Variants in RUFY1 observed in about 807,000 individuals in gnomAD.
RUFY1 encodes the protein RUN and FYVE domain-containing protein 1.
Under a neutral mutation model 94.6 loss-of-function variants are expected in RUFY1, and 54 were observed. That is an observed-to-expected ratio of 0.57 (90% CI 0.46 to 0.72). RUFY1 has a LOEUF of 0.72. RUFY1 is among the 30% of genes least tolerant of loss of function. The pLI is 0.00. For synonymous variants in RUFY1, 396 were observed against 347.3 expected, an observed-to-expected ratio of 1.14 and a Z score of -1.56; for missense variants, 883 against 883.9, an observed-to-expected ratio of 1.00 and a Z score of 0.01.
intron 1 of RUFY1, among the ~76,000 whole-genome samples, chr5:179,558,308 C>T (rs150451599): frequency 0.033 from 5,061 of 152,250 alleles, 278 homozygotes; most frequent in African/African-American, 0.11. Flanking sequence ...CATGGTGGCT[C>T]ACGCCTGTAA....
At chr5:179,596,853 G>A (rs1278817214) in intron 13 of RUFY1, 172 bp downstream of exon 13, 2 of 854,648 alleles carry the variant, frequency 2.3e-6, no homozygotes, top group African/African-American at 1.7e-5. Context: ...TCCCTAGGGA[G>A]CTCCCTCCCC....
At chr5:179,580,402 C>T (rs1175574974) in intron 6 of RUFY1, among the ~76,000 whole-genome samples, 2 of 151,656 alleles carry the variant, frequency 1.3e-5, no homozygotes, top group African/African-American at 4.8e-5. Context: ...GCCACCACGC[C>T]CGGCTAATTT....
chr5:179,578,011 A>C (rs930898384), intron 6 of RUFY1, among the ~76,000 whole-genome samples: 1 of 152,162 alleles, frequency 6.6e-6, no homozygotes, highest in East Asian at 1.9e-4. Context: ...TAGAGTGTAC[A>C]GGTGAAATTT....
At chr5:179,568,922 G>A (rs1763024757) in intron 4 of RUFY1, 1 of 496,482 alleles carries the variant, frequency 2.0e-6, no homozygotes, top group Non-Finnish European at 2.6e-6. Flanking sequence ...ATTCTTGGAT[G>A]TGGGATCCCA....
intron 6 of RUFY1, among the ~76,000 whole-genome samples, chr5:179,577,581 G>C (rs1169462498): frequency 1.4e-5 from 2 of 145,194 alleles, no homozygotes; most frequent in African/African-American, 5.4e-5. Flanking sequence ...GGCGTGGTGG[G>C]GCTGGAGGGG....
At chr5:179,586,228 C>T in intron 8 of RUFY1, 1 of 434,852 alleles carries the variant, frequency 2.3e-6, no homozygotes, top group South Asian at 1.8e-5. Flanking sequence ...AAAGCACAGA[C>T]TCTGTCATAA....
chr5:179,577,159 CTTTTTTTTT>C lies in RUFY1; in HGVS notation c.890+45_890+53del, dbSNP rs748319712. The C allele has an allele frequency of 7.7e-4, 143 of 186,604 alleles. 1 individual carries two copies. The highest frequency in any genetic ancestry group is 1.8e-3 in the African/African-American group (23 of 12,966). The allele number at this position is 186,604 out of a possible 1,614,324, so 11.6% of individuals were successfully genotyped here. A position where few individuals can be genotyped will look rare whatever the true frequency, so the allele number is the denominator to read the frequency against. On this transcript the variant is annotated intron_variant, in intron 6 of 17. Coordinates refer to ENST00000319449, the MANE Select transcript of RUFY1 (RefSeq NM_025158.5). ...GGAGTAAGTACTGCGTTGTATGTCA[CTTTTTTTTT>C]TTTTTTTTTTTTTTTTTTTTTGAGA... is the stretch of plus-strand genomic sequence containing the variant.
intron 6 of RUFY1, among the ~76,000 whole-genome samples, chr5:179,579,657 C>CTTCTTTTTTTT (rs1433456916): frequency 5.5e-4 from 28 of 50,558 alleles, no homozygotes; most frequent in African/African-American, 1.0e-3. Flanking sequence ...TTTTCTTCTT[C>CTTCTTTTTTTT]TTTTTTTTTT....
chr5:179,552,975 A>C (rs901600272), intron 1 of RUFY1, among the ~76,000 whole-genome samples: 3 of 152,244 alleles, frequency 2.0e-5, no homozygotes, highest in African/African-American at 7.2e-5. Flanking sequence ...GACTAGCTTC[A>C]TGGGTGGACA....
At chr5:179,576,127 G>A (rs1763594345) in intron 5 of RUFY1, among the ~76,000 whole-genome samples, 1 of 152,096 alleles carries the variant, frequency 6.6e-6, no homozygotes, top group African/African-American at 2.4e-5. Flanking sequence ...TGTTATAGTT[G>A]CATAGGTTCT....
chr5:179,608,194 T>G (rs1378887964), intron 17 of RUFY1: 3 of 606,444 alleles, frequency 4.9e-6, no homozygotes, highest in Non-Finnish European at 6.2e-6. Context: ...GGGGAAGAGT[T>G]GGGTATAAGC....
chr5:179,586,172 T>G (rs1764590449), intron 8 of RUFY1, among the ~76,000 whole-genome samples: 1 of 152,148 alleles, frequency 6.6e-6, no homozygotes, highest in Admixed American at 6.6e-5. Flanking sequence ...TGTCTTCCTC[T>G]TTTTCTGCCC....
intron 6 of RUFY1, among the ~76,000 whole-genome samples, chr5:179,580,283 C>T (rs1764035111): frequency 7.1e-6 from 1 of 140,926 alleles, no homozygotes; most frequent in Non-Finnish European, 1.6e-5. Flanking sequence ...CGCTCTGTCG[C>T]CCAGGCTGGA....
At chr5:179,588,183 C>G (rs1005584663) in intron 8 of RUFY1, among the ~76,000 whole-genome samples, 1 of 152,016 alleles carries the variant, frequency 6.6e-6, no homozygotes, top group African/African-American at 2.4e-5. Context: ...TGTGTAGAAA[C>G]CCCAGGCCTG....
At chr5:179,565,822 C>T (rs1275937433) in intron 3 of RUFY1, among the ~76,000 whole-genome samples, 1 of 152,054 alleles carries the variant, frequency 6.6e-6, no homozygotes. Flanking sequence ...TTTTGGTAAC[C>T]TGTTGTCATC....
intron 15 of RUFY1, among the ~76,000 whole-genome samples, chr5:179,603,063 T>A (rs1766613007): frequency 6.6e-6 from 1 of 151,794 alleles, no homozygotes; most frequent in Admixed American, 6.6e-5. Flanking sequence ...AGGTCAGGAG[T>A]TCGAGACCAG....
Position 179,553,537 on chromosome 5 carries a change from A to G in RUFY1, c.310+2658A>G, listed in dbSNP as rs1221235897. ...GGTGGCTCACACCTGTAATCCCAGCATTTTGGGAGGCCGAGGCAGGCAGAT... is the reference window on the plus strand; with the variant it reads ...GGTGGCTCACACCTGTAATCCCAGCGTTTTGGGAGGCCGAGGCAGGCAGAT... On this transcript the variant is annotated intron_variant, in intron 1 of 17. Transcript: ENST00000319449. 3.9e-5 allele frequency among the ~76,000 whole-genome samples: 6 copies of G among 152,106 alleles called. No homozygotes were observed. In the South Asian group the frequency reaches 1.2e-3, roughly 32 times the overall value.
In RUFY1 at chr5:179,601,322, C is replaced by T. The variant is rs577047325; in HGVS notation, c.1762-570C>T. ...TAGCTGGGATTACAGGTGCCTGCCA[C>T]CACACCCAGCTAATTTCTGTATTTT... On this transcript the variant is annotated intron_variant, in intron 14 of 17. Coordinates refer to ENST00000319449, the MANE Select transcript of RUFY1 (RefSeq NM_025158.5). Among the ~76,000 whole-genome samples the T allele has an allele frequency of 3.9e-5, 6 of 151,988 alleles. No individual in the cohort carries two copies. The South Asian group carries it at 6.2e-4, about 16-fold the overall frequency.
rs564878803 is a variant in RUFY1, at chr5:179,591,804, C to T, written c.1245+63C>T. On this transcript the variant is annotated intron_variant, in intron 10 of 17. Coordinates refer to ENST00000319449, the MANE Select transcript of RUFY1 (RefSeq NM_025158.5). ...CCCCGTAGTGTTAATTCTGTCAACA[C>T]TTTTCATAGACATGCTTCACCATCC... is the stretch of plus-strand genomic sequence containing the variant. The T allele has an allele frequency of 1.1e-3, 1,041 of 962,012 alleles. 3 individuals are homozygous for T. Among genetic ancestry groups the T allele is most frequent in the Admixed American group, 2.2e-3 (88 of 40,332 alleles). The allele number at this position is 962,012 out of a possible 1,614,324, so 59.6% of individuals were successfully genotyped here.
Sources: allele counts gnomAD v4.1 joint callset (sites outside exome capture counted in the v4.1 genomes callset), GRCh38; gene constraint gnomAD v4.1.1; transcripts MANE v1.5; gene names NCBI Gene and HGNC (gene_info 2026-07-23, HGNC 2026-07-21).